UMODL1: variants seen among roughly 807,000 people sequenced by gnomAD.
UMODL1 encodes uromodulin like 1, also known as uromodulin-like 1.
Under a neutral mutation model 136.3 loss-of-function variants are expected in UMODL1, and 128 were observed. The ratio of observed to expected loss-of-function variants is 0.94; its 90% CI spans 0.81 to 1.09. The LOEUF is 1.09. Ranked by LOEUF, UMODL1 falls within the 50% of genes least tolerant of loss-of-function variation. The pLI is 0.00. For missense variants in UMODL1, 1,766 were observed against 1,725.6 expected, an observed-to-expected ratio of 1.02 and a Z score of -0.41; for synonymous variants, 721 against 720.0, an observed-to-expected ratio of 1.00 and a Z score of -0.02.
Position 42,109,691 on chromosome 21 carries a change from C to A in UMODL1, c.1649C>A (p.Ala550Asp). The change falls in exon 10 of 23, where the codon GCC becomes GAC. Residue 550 changes from alanine to aspartate, a missense_variant. Ala to Asp is a moderately radical substitution (Grantham distance 126). Coordinates refer to ENST00000408910, the MANE Select transcript of UMODL1 (RefSeq NM_001004416.3). ...GCCACCCCCTCCCGCGCAGGCCGGG[C>A]CTGTGAGGGTACGTGTCGACCCCCC... is the stretch of plus-strand genomic sequence containing the variant. ...RDATPSRAGR[A>D]CEGDLVSPMG... 1.9e-6 allele frequency: 3 copies of A among 1,603,020 alleles called. No homozygotes were observed. Among genetic ancestry groups the A allele is most frequent in the Non-Finnish European group, 2.5e-6 (3 of 1,179,914 alleles).
At chr21:42,127,441 C>T (rs2067074603) in intron 19 of UMODL1, among the ~76,000 whole-genome samples, 199 bp downstream of exon 19, 1 of 152,222 alleles carries the variant, frequency 6.6e-6, no homozygotes, top group Admixed American at 6.5e-5. Context: ...CAAGCAGGCA[C>T]TGCCATTGCC....
chr21:42,137,447 C>A lies in UMODL1; in HGVS notation c.3784C>A (p.Pro1262Thr). Residue 1262 changes from proline to threonine, a missense_variant, in exon 22 of 23, where the codon CCT (proline) becomes ACT (threonine). Transcript: ENST00000408910. ...GPLIRSEGEP[P>T]HAEAGLGAGY... ...CCTGTCTCCTCCCCGAGGTGAGCCT[C>A]CTCATGCAGAAGCAGGCCTGGGTGC... 1 of 1,614,202 alleles carries A rather than the reference C, an allele frequency of 6.2e-7. No homozygotes were observed. Among genetic ancestry groups the A allele is most frequent in the Non-Finnish European group, 8.5e-7 (1 of 1,180,016 alleles).
Position 42,099,311 on chromosome 21 carries a change from C to T in UMODL1, c.1186+131C>T. The T allele has an allele frequency of 7.6e-7, 1 of 1,310,314 alleles. No homozygotes were observed. Among genetic ancestry groups the T allele is most frequent in the Non-Finnish European group, 1.0e-6 (1 of 980,270 alleles). 81.2% of individuals were successfully genotyped at this position (1,310,314 alleles called of 1,614,324 possible). On this transcript the variant is annotated intron_variant, in intron 7 of 22. Coordinates refer to ENST00000408910, the MANE Select transcript of UMODL1 (RefSeq NM_001004416.3). The surrounding 1 kb of genome is among the most constrained non-coding windows in gnomAD (Gnocchi z 4.1). ...GAAGTCACTGACCGCCCTGCACTTC[C>T]TCCCTCCCCTCCCAGTCATCCCACT...
At chr21:42,077,850 T>C (rs1338989768) in intron 2 of UMODL1, among the ~76,000 whole-genome samples, 1 of 152,174 alleles carries the variant, frequency 6.6e-6, no homozygotes, top group African/African-American at 2.4e-5. Flanking sequence ...GAATGGAGCG[T>C]GGACTCCGCA....
In UMODL1 at chr21:42,085,957, T is replaced by C. The variant is rs1333637278; in HGVS notation, c.603+545T>C. Among the ~76,000 whole-genome samples the C allele has an allele frequency of 1.3e-5, 2 of 152,220 alleles. No individual in the cohort carries two copies. The highest frequency in any genetic ancestry group is 3.8e-4 in the East Asian group (2 of 5,196). ...AAAACTGTCTCCAGACGTCGCCCAC[T>C]GTCCCCTGGGGATAAAAACAAACAC... On this transcript the variant is annotated intron_variant, in intron 4 of 22. Transcript: ENST00000408910. The surrounding 1 kb of genome is among the most constrained non-coding windows in gnomAD (Gnocchi z 4.5).
At chr21:42,120,331 C>T (rs1430134314) in intron 15 of UMODL1, among the ~76,000 whole-genome samples, 1 of 152,232 alleles carries the variant, frequency 6.6e-6, no homozygotes, top group Non-Finnish European at 1.5e-5. Context: ...GAAATATCAG[C>T]TCTACGACTT....
chr21:42,129,715 T>G lies in UMODL1; in HGVS notation c.3693T>G (p.Asn1231Lys). The part of the protein sequence containing the change: ...MESPGATCKI[N>K]CNNFRLLQNS... ...TCTTCTTGGAAAAAAAAAAACAGAATTGCAATAACTTTCGGTTGCTGCAAA... is the reference window on the plus strand; with the variant it reads ...TCTTCTTGGAAAAAAAAAAACAGAAGTGCAATAACTTTCGGTTGCTGCAAA... The change falls in exon 21 of 23, where the codon AAT becomes AAG. Residue 1231 changes from asparagine (N) to lysine (K), a missense_variant and splice_region_variant. Physicochemically the swap from Asn to Lys is moderately conservative, Grantham distance 94 (BLOSUM62 0). Coordinates refer to ENST00000408910, the MANE Select transcript of UMODL1 (RefSeq NM_001004416.3). 4 of 1,572,682 alleles carry G rather than the reference T, an allele frequency of 2.5e-6. No individual in the cohort carries two copies. The highest frequency in any genetic ancestry group is 3.4e-6 in the Non-Finnish European group (4 of 1,166,118).
At position 42,082,653 on chromosome 21, in the gene UMODL1, G is replaced by A. The variant is rs867496164; in HGVS notation, c.320-1431G>A. On this transcript the variant is annotated intron_variant, in intron 2 of 22. Transcript: ENST00000408910. Reference sequence around the variant, plus strand: ...TCATGGCTGCCCTCAGCCTCGTCCCGGAGCTCCCATCTTCTCAGCTTCCTT... The same window carrying A: ...TCATGGCTGCCCTCAGCCTCGTCCCAGAGCTCCCATCTTCTCAGCTTCCTT... 8.5e-5 allele frequency among the ~76,000 whole-genome samples: 13 copies of A among 152,242 alleles called. No individual in the cohort carries two copies. The South Asian group carries it at 1.7e-3, about 19-fold the overall frequency.
intron 22 of UMODL1, among the ~76,000 whole-genome samples, chr21:42,138,512 G>A (rs1177890419): frequency 6.6e-6 from 1 of 152,212 alleles, no homozygotes; most frequent in Non-Finnish European, 1.5e-5. Flanking sequence ...ATTATGGAGG[G>A]CAGTATGGTT....
At chr21:42,128,247 C>T (rs1475489017) in intron 20 of UMODL1, 1 of 297,070 alleles carries the variant, frequency 3.4e-6, no homozygotes, top group Non-Finnish European at 6.6e-6. Flanking sequence ...AGTTTTTTCC[C>T]CTTTCCTTTG....
At chr21:42,108,966 G>T (rs1293232901) in intron 9 of UMODL1, among the ~76,000 whole-genome samples, 3 of 81,758 alleles carry the variant, frequency 3.7e-5, no homozygotes, top group Non-Finnish European at 6.6e-5. Flanking sequence ...CCCACTCCTG[G>T]CATGTAAAGC....
chr21:42,115,495 G>A (rs904468692), intron 13 of UMODL1, among the ~76,000 whole-genome samples: 11 of 152,250 alleles, frequency 7.2e-5, no homozygotes, highest in African/African-American at 2.2e-4. Flanking sequence ...GTTTGCACCC[G>A]TAGCCCTGGC....
chr21:42,111,017 C>A lies in UMODL1; in HGVS notation c.1795C>A (p.Pro599Thr), dbSNP rs776013024. The A allele has an allele frequency of 6.2e-7, 1 of 1,612,892 alleles. No homozygotes were observed. Among genetic ancestry groups the A allele is most frequent in the African/African-American group, 1.3e-5 (1 of 74,910 alleles). ...CAGTCCTGGGTACCCTCAGGGCACCCCGGCAGCAGGCCAGGCCTGGACCCC... is the reference window on the plus strand; with the variant it reads ...CAGTCCTGGGTACCCTCAGGGCACCACGGCAGCAGGCCAGGCCTGGACCCC... ...SPSPGYPQGT[P>T]AAGQAWTPEP... Residue 599 changes from proline to threonine, a missense_variant, in exon 11 of 23, where the codon CCG (proline) becomes ACG (threonine). Physicochemically the swap from Pro to Thr is conservative, Grantham distance 38. Transcript: ENST00000408910.
intron 21 of UMODL1, among the ~76,000 whole-genome samples, chr21:42,130,675 C>T (rs1178320909): frequency 6.6e-6 from 1 of 152,080 alleles, no homozygotes; most frequent in African/African-American, 2.4e-5. Flanking sequence ...AGAGGTGCAC[C>T]CTCCTTAAAA....
At position 42,090,489 on chromosome 21, in the gene UMODL1, G is replaced by T. The variant is rs754046978; in HGVS notation, c.931+51G>T. The T allele has an allele frequency of 2.5e-6, 4 of 1,600,940 alleles. No individual in the cohort carries two copies. In the African/African-American group the frequency reaches 4.0e-5, roughly 16 times the overall value. ...CATGGGAATGGCTTAATTCCTGTTTGCCCCGGGAATACTCACCAGCAGTGC... is the reference window on the plus strand; with the variant it reads ...CATGGGAATGGCTTAATTCCTGTTTTCCCCGGGAATACTCACCAGCAGTGC... On this transcript the variant is annotated intron_variant, in intron 6 of 22. Transcript: ENST00000408910.
chr21:42,074,355 C>T (rs947160543), intron 1 of UMODL1, among the ~76,000 whole-genome samples: 1 of 152,226 alleles, frequency 6.6e-6, no homozygotes, highest in Non-Finnish European at 1.5e-5. Context: ...TCCACTTTAA[C>T]TTGATACCCT....
chr21:42,092,064 A>T (rs1323127405), intron 6 of UMODL1, among the ~76,000 whole-genome samples: 1 of 152,230 alleles, frequency 6.6e-6, no homozygotes, highest in Non-Finnish European at 1.5e-5. Context: ...GCCGGCAAGC[A>T]GGGAGGGTAC....
intron 17 of UMODL1, among the ~76,000 whole-genome samples, chr21:42,125,298 G>C (rs961303647): frequency 6.6e-5 from 10 of 152,122 alleles, no homozygotes; most frequent in African/African-American, 2.2e-4. Flanking sequence ...TGGGGCATAA[G>C]GTGATTCCAT....
chr21:42,086,485 C>T lies in UMODL1; in HGVS notation c.603+1073C>T, dbSNP rs750822777. 1.8e-4 allele frequency: 82 copies of T among 454,822 alleles called. 1 individual carries two copies. Among genetic ancestry groups the T allele is most frequent in the Middle Eastern group, 1.5e-3 (3 of 2,020 alleles). 28.2% of individuals were successfully genotyped at this position (454,822 alleles called of 1,614,324 possible). On this transcript the variant is annotated intron_variant, in intron 4 of 22. Transcript: ENST00000408910. ...CTGCTAGACAGGTAGTCTGCAGCCT[C>T]GGCCTTAACAGCCCGGGCTAGGAGT... is the stretch of plus-strand genomic sequence containing the variant.
Sources: gnomAD v4.1 joint callset for allele counts (sites outside exome capture counted in the v4.1 genomes callset) on GRCh38, gnomAD v4.1.1 for gene constraint, Gnocchi (gnomAD v3.1) non-coding constraint, MANE v1.5 for transcripts, NCBI Gene and HGNC (gene_info 2026-07-23, HGNC 2026-07-21) for gene names.